Variants in LGR4 observed in about 807,000 individuals in gnomAD.
LGR4 encodes leucine rich repeat containing G protein-coupled receptor 4.
In LGR4, 44 loss-of-function variants were observed where a neutral mutation model predicts 84.8. That is an observed-to-expected ratio of 0.52 (90% CI 0.41 to 0.67). The LOEUF (loss-of-function observed/expected upper bound fraction) is 0.67, where lower values mean the gene tolerates loss of function less well. LGR4 is among the 30% of genes least tolerant of loss of function. The probability of loss-of-function intolerance (pLI) is 0.00; values close to 1 mark genes in which losing one functional copy is unlikely to be tolerated. For synonymous variants in LGR4, 429 were observed against 434.3 expected, an observed-to-expected ratio of 0.99 and a Z score of 0.15; for missense variants, 1,032 against 1,131.4, an observed-to-expected ratio of 0.91 and a Z score of 1.26.
intron 1 of LGR4, among the ~76,000 whole-genome samples, chr11:27,460,602 C>T (rs1046071552): frequency 3.3e-5 from 5 of 152,180 alleles, no homozygotes; most frequent in African/African-American, 1.2e-4. Context: ...TTTCTTTCTA[C>T]AGAATGTAAT....
rs951686761 is a variant in LGR4 at position 27,458,099 on chromosome 11, C to T, written c.185+14019G>A. Among the ~76,000 whole-genome samples the T allele has an allele frequency of 2.6e-4, 39 of 152,074 alleles. 1 individual carries two copies. The highest frequency in any genetic ancestry group is 9.2e-4 in the African/African-American group (38 of 41,474). On this transcript the variant is annotated intron_variant, in intron 1 of 17. Transcript: ENST00000379214. ...GAACTGTGATCATGCCACTGTGGTCCGGCTTGGGCAACAAAGCAAGTCCCC... is the reference window on the plus strand; with the variant it reads ...GAACTGTGATCATGCCACTGTGGTCTGGCTTGGGCAACAAAGCAAGTCCCC...
chr11:27,433,215 C>G (rs1864143122), intron 1 of LGR4, among the ~76,000 whole-genome samples: 1 of 151,982 alleles, frequency 6.6e-6, no homozygotes, highest in Non-Finnish European at 1.5e-5. Context: ...TCTATTCTTT[C>G]TTTTTTTATT....
At chr11:27,410,338 A>C (rs992348776) in intron 2 of LGR4, among the ~76,000 whole-genome samples, 1 of 152,128 alleles carries the variant, frequency 6.6e-6, no homozygotes, top group African/African-American at 2.4e-5. Flanking sequence ...GATTTCTCCC[A>C]ATACCCCAAG....
chr11:27,464,487 C>A (rs892529408), intron 1 of LGR4, among the ~76,000 whole-genome samples: 1 of 152,102 alleles, frequency 6.6e-6, no homozygotes, highest in African/African-American at 2.4e-5. Context: ...AATTCATCTC[C>A]CCTCACATGA....
intron 1 of LGR4, among the ~76,000 whole-genome samples, chr11:27,444,473 A>G (rs948729914): frequency 6.6e-6 from 1 of 152,232 alleles, no homozygotes; most frequent in African/African-American, 2.4e-5. Context: ...CAACTAGTCA[A>G]CCGAGACAAA....
intron 1 of LGR4, among the ~76,000 whole-genome samples, chr11:27,416,489 G>T (rs1863822350): frequency 6.6e-6 from 1 of 152,144 alleles, no homozygotes. Flanking sequence ...GCTCCTGGAA[G>T]CCATCTGAAT....
intron 1 of LGR4, among the ~76,000 whole-genome samples, chr11:27,433,244 GCT>G (rs1284587857): frequency 1.1e-4 from 17 of 152,170 alleles, no homozygotes; most frequent in African/African-American, 3.9e-4. Context: ...ACGGAGTCTC[GCT>G]CTGTCATCCA....
At chr11:27,411,122 T>C (rs1265155155) in intron 2 of LGR4, among the ~76,000 whole-genome samples, 1 of 152,044 alleles carries the variant, frequency 6.6e-6, no homozygotes, top group Non-Finnish European at 1.5e-5. Context: ...GCCTGGTACA[T>C]TACCCATCCC....
Position 27,367,955 on chromosome 11 carries a change from A to G in LGR4, c.2768T>C (p.Val923Ala). ...GAAGCAGGCTCGTCCACAGGCCTGC[A>G]CCTGGTCAGAACTGTCTGAGACAAA... ...DSFVSDSSDQ[V>A]QACGRACFYQ... Residue 923 changes from valine to alanine, a missense_variant, in exon 18 of 18, where the codon GTG (valine) becomes GCG (alanine). By Grantham distance (64) the Val-to-Ala change is moderately conservative. Coordinates refer to ENST00000379214, the MANE Select transcript of LGR4 (RefSeq NM_018490.5). 1 of 1,613,870 alleles carries G rather than the reference A, an allele frequency of 6.2e-7. No individual in the cohort carries two copies. Among genetic ancestry groups the G allele is most frequent in the Non-Finnish European group, 8.5e-7 (1 of 1,179,734 alleles).
intron 1 of LGR4, among the ~76,000 whole-genome samples, chr11:27,455,029 C>A (rs1220937474): frequency 6.6e-6 from 1 of 152,106 alleles, no homozygotes; most frequent in Non-Finnish European, 1.5e-5. Context: ...CTTCCACTTG[C>A]CTTCTCTGTC....
intron 1 of LGR4, among the ~76,000 whole-genome samples, chr11:27,417,143 T>C (rs1049060936): frequency 5.9e-5 from 9 of 152,182 alleles, no homozygotes; most frequent in Admixed American, 2.0e-4. Context: ...ACTGTACTGC[T>C]ACTACTATAT....
At chr11:27,406,655 A>G (rs968240334) in intron 2 of LGR4, among the ~76,000 whole-genome samples, 2 of 152,140 alleles carry the variant, frequency 1.3e-5, no homozygotes, top group African/African-American at 2.4e-5. Context: ...CTTGAGTAAG[A>G]TAAGTAACAC....
At chr11:27,387,617 G>A (rs1439968473) in intron 4 of LGR4, among the ~76,000 whole-genome samples, 1 of 152,100 alleles carries the variant, frequency 6.6e-6, no homozygotes, top group Non-Finnish European at 1.5e-5. Context: ...CACAGGAGGA[G>A]GGGAGTAGAG....
chr11:27,458,531 A>C (rs1864616511), intron 1 of LGR4, among the ~76,000 whole-genome samples: 1 of 151,636 alleles, frequency 6.6e-6, no homozygotes, highest in South Asian at 2.1e-4. Flanking sequence ...TTGTTTTCTT[A>C]ATTTTTTTAA....
intron 3 of LGR4, among the ~76,000 whole-genome samples, chr11:27,391,761 T>C (rs1382470): frequency 0.93 from 141,914 of 152,144 alleles, 66,262 homozygotes; most frequent in East Asian, 1. Context: ...AAAATGAAAT[T>C]CTTTTGATTT....
rs959660932 is a variant in LGR4 at position 27,466,944 on chromosome 11, C to T, written c.185+5174G>A. Among the ~76,000 whole-genome samples the T allele has an allele frequency of 8.6e-5, 13 of 152,018 alleles. No individual in the cohort carries two copies. In the South Asian group the frequency reaches 1.2e-3, roughly 15 times the overall value. ...GACTACAGGCGTGCACCACCACGCC[C>T]GGCTAATTTTTTTTTATTTTAAGTA... On this transcript the variant is annotated intron_variant, in intron 1 of 17. Transcript: ENST00000379214.
In LGR4 at chr11:27,368,693, C is replaced by A; in HGVS notation, c.2030G>T (p.Gly677Val). 1 of 1,613,772 alleles carries A rather than the reference C, an allele frequency of 6.2e-7. No homozygotes were observed. Among genetic ancestry groups the A allele is most frequent in the East Asian group, 2.2e-5 (1 of 44,884 alleles). ...LLAFLGATVAGCFPLFHRGEY... is the reference protein window; with the variant it reads ...LLAFLGATVAVCFPLFHRGEY... ...CCCTCTATGGAAAAGGGGAAAACAG[C>A]CTGCTACTGTAGCACCTAGGAAAGC... The change falls in exon 18 of 18, where the codon GGC (glycine) becomes GTC (valine). Residue 677 changes from glycine (G) to valine (V), a missense_variant. Transcript: ENST00000379214.
chr11:27,408,980 A>C (rs962027547), intron 2 of LGR4, among the ~76,000 whole-genome samples: 2 of 152,224 alleles, frequency 1.3e-5, no homozygotes, highest in South Asian at 2.1e-4. Context: ...TATTCCCAAC[A>C]GGTGTTGGGG....
At chr11:27,414,499 C>T (rs1001012582) in intron 1 of LGR4, among the ~76,000 whole-genome samples, 2 of 152,004 alleles carry the variant, frequency 1.3e-5, no homozygotes, top group Non-Finnish European at 1.5e-5. Context: ...CAAGAAATTT[C>T]CCTTTAGATG....
Sources: gnomAD v4.1 joint callset for allele counts (sites outside exome capture counted in the v4.1 genomes callset) on GRCh38, gnomAD v4.1.1 for gene constraint, MANE v1.5 for transcripts, NCBI Gene and HGNC (gene_info 2026-07-23, HGNC 2026-07-21) for gene names.